The following EYS variants were observed in gnomAD, a reference collection of about 807,000 sequenced individuals.
EYS encodes the protein protein eyes shut homolog.
A neutral mutation model predicts 282.1 loss-of-function variants in EYS; 250 were observed. That is an observed-to-expected ratio of 0.89 (90% CI 0.80 to 0.98). The LOEUF (loss-of-function observed/expected upper bound fraction) is 0.98, where lower values mean the gene tolerates loss of function less well. Among genes scored for constraint, EYS ranks in the 50% least tolerant of loss-of-function variants. EYS has a pLI of 0.00. For missense variants in EYS, 4,016 were observed against 3,709.0 expected (o/e 1.08, Z -2.15); for synonymous variants, 1,355 against 1,282.9 (o/e 1.06, Z -1.20).
chr6:64,320,947 C>T (rs1770196456), intron 29 of EYS, among the ~76,000 whole-genome samples: 1 of 151,718 alleles, frequency 6.6e-6, no homozygotes, highest in African/African-American at 2.4e-5. Flanking sequence ...AAAAATTCCA[C>T]ATGGCTTATA....
At chr6:64,971,675 A>G (rs1375865551) in intron 14 of EYS, among the ~76,000 whole-genome samples, 1 of 152,138 alleles carries the variant, frequency 6.6e-6, no homozygotes, top group African/African-American at 2.4e-5. Flanking sequence ...GAAGGTGTCA[A>G]AGTGCTCTAT....
intron 5 of EYS, among the ~76,000 whole-genome samples, chr6:65,447,076 A>G (rs1768690190): frequency 1.3e-5 from 2 of 151,352 alleles, no homozygotes; most frequent in Admixed American, 1.3e-4. Context: ...TTTAAATTTT[A>G]TATATTTTGT....
At chr6:64,113,390 C>A (rs1182625552) in intron 31 of EYS, among the ~76,000 whole-genome samples, 1 of 152,064 alleles carries the variant, frequency 6.6e-6, no homozygotes, top group African/African-American at 2.4e-5. Context: ...CTTCAGTTCA[C>A]TTGTATGTAA....
chr6:64,350,754 G>A (rs545084314), intron 29 of EYS, among the ~76,000 whole-genome samples: 1 of 151,690 alleles, frequency 6.6e-6, no homozygotes, highest in East Asian at 2.0e-4. Flanking sequence ...GAAACCCAGT[G>A]ATATGATTTG....
intron 39 of EYS, among the ~76,000 whole-genome samples, chr6:63,784,658 A>G (rs1770320208): frequency 2.0e-5 from 3 of 152,080 alleles, no homozygotes; most frequent in African/African-American, 4.8e-5. Context: ...AGAACGCACT[A>G]TCACAAGAAC....
chr6:65,186,820 T>C lies in EYS; in HGVS notation c.2023+109043A>G, dbSNP rs76970568. ...TAAATGGAAGTATTAGTTGATACCA[T>C]GAGACTTTTAATTTTGACATACTAT... On this transcript the variant is annotated intron_variant, in intron 12 of 42. Transcript: ENST00000503581. Among the ~76,000 whole-genome samples, 975 of 151,866 alleles carry C rather than the reference T, an allele frequency of 6.4e-3. 12 individuals are homozygous for C. The highest frequency in any genetic ancestry group is 0.022 in the African/African-American group (917 of 41,522).
In EYS at chr6:64,474,043, A is replaced by G. The variant is rs191566089; in HGVS notation, c.5645-34691T>C. 1.3e-3 allele frequency among the ~76,000 whole-genome samples: 203 copies of G among 152,250 alleles called. 1 individual carries two copies. Among genetic ancestry groups the G allele is most frequent in the Non-Finnish European group, 1.2e-3 (79 of 68,000 alleles). ...TATATCCCCATTTTTGTCCATTTTTAGTTCCCCAACCTAAAAGGCCCTCTT... is the reference window on the plus strand; with the variant it reads ...TATATCCCCATTTTTGTCCATTTTTGGTTCCCCAACCTAAAAGGCCCTCTT... On this transcript the variant is annotated intron_variant, in intron 26 of 42. Transcript: ENST00000503581.
chr6:64,184,905 T>G (rs1332698470), intron 31 of EYS, among the ~76,000 whole-genome samples: 3 of 151,086 alleles, frequency 2.0e-5, no homozygotes, highest in Admixed American at 2.0e-4. Context: ...ATGTTTTTTT[T>G]CTCCCAAATC....
intron 31 of EYS, among the ~76,000 whole-genome samples, chr6:64,124,015 A>G (rs1394194412): frequency 6.6e-6 from 1 of 152,176 alleles, no homozygotes; most frequent in African/African-American, 2.4e-5. Context: ...AAGCATCCAA[A>G]CCAGGATTTT....
At position 64,249,238 on chromosome 6, in the gene EYS, A is replaced by T. The variant is rs938882335; in HGVS notation, c.6192-18414T>A. Among the ~76,000 whole-genome samples the T allele has an allele frequency of 7.2e-5, 11 of 152,250 alleles. No homozygotes were observed. In the East Asian group the frequency reaches 1.9e-3, roughly 27 times the overall value. ...AATCATGTCTTTTGCAGCAACATGAAAGGAACTGGAAGCCGTTATCTTATT... is the reference window on the plus strand; with the variant it reads ...AATCATGTCTTTTGCAGCAACATGATAGGAACTGGAAGCCGTTATCTTATT... On this transcript the variant is annotated intron_variant, in intron 30 of 42. Coordinates refer to ENST00000503581, the MANE Select transcript of EYS (RefSeq NM_001142800.2).
At chr6:63,954,352 C>A (rs528566886) in intron 35 of EYS, among the ~76,000 whole-genome samples, 15 of 152,210 alleles carry the variant, frequency 9.9e-5, no homozygotes, top group Non-Finnish European at 1.6e-4. Context: ...TACCTCTCAG[C>A]AAGCTGAACT....
intron 35 of EYS, among the ~76,000 whole-genome samples, chr6:63,867,346 T>C (rs533428111): frequency 6.6e-6 from 1 of 152,218 alleles, no homozygotes; most frequent in Non-Finnish European, 1.5e-5. Flanking sequence ...AATTTTATCC[T>C]TCACAAGACC....
At chr6:64,808,835 A>T (rs1764512201) in intron 22 of EYS, among the ~76,000 whole-genome samples, 1 of 152,104 alleles carries the variant, frequency 6.6e-6, no homozygotes, top group Non-Finnish European at 1.5e-5. Flanking sequence ...AAATAATAAA[A>T]TGTTTTCATG....
At chr6:65,276,513 G>T (rs1768052485) in intron 12 of EYS, among the ~76,000 whole-genome samples, 2 of 152,002 alleles carry the variant, frequency 1.3e-5, no homozygotes, top group African/African-American at 2.4e-5. Context: ...TTACTACACT[G>T]CCTGTAGTTA....
Position 64,098,603 on chromosome 6 carries a change from CT to C in EYS, c.6425-16602del, listed in dbSNP as rs544031589. 7.4e-3 allele frequency among the ~76,000 whole-genome samples: 1,029 copies of C among 139,898 alleles called. 5 individuals carry two copies. The highest frequency in any genetic ancestry group is 0.018 in the African/African-American group (703 of 38,128). The allele number at this position is 139,898 out of a possible 152,430, so 91.8% of individuals were successfully genotyped here. A position where few individuals can be genotyped will look rare whatever the true frequency, so the allele number is the denominator to read the frequency against. ...TGTGTTAGTAATGTTTTCTTTCTTTCTTTTTTTTTTTTTTTGAGACGGAGTC... is the reference window on the plus strand; with the variant it reads ...TGTGTTAGTAATGTTTTCTTTCTTTCTTTTTTTTTTTTTTGAGACGGAGTC... On this transcript the variant is annotated intron_variant, in intron 31 of 42. Transcript: ENST00000503581.
chr6:64,423,384 A>G (rs1019955978), intron 28 of EYS, among the ~76,000 whole-genome samples: 1 of 152,226 alleles, frequency 6.6e-6, no homozygotes, highest in African/African-American at 2.4e-5. Context: ...CCAGCTAAAC[A>G]TTTTAACTAT....
At chr6:64,938,556 T>C (rs1362867208) in intron 15 of EYS, among the ~76,000 whole-genome samples, 2 of 151,692 alleles carry the variant, frequency 1.3e-5, no homozygotes, top group Non-Finnish European at 3.0e-5. Context: ...ATAAAAGCAA[T>C]TTACATTAAG....
At chr6:64,452,661 A>G (rs1582772650) in intron 26 of EYS, among the ~76,000 whole-genome samples, 1 of 152,294 alleles carries the variant, frequency 6.6e-6, no homozygotes, top group East Asian at 1.9e-4. Context: ...CAAAACAGAG[A>G]TACAGACCAA....
chr6:64,772,365 G>A (rs1229372974), intron 22 of EYS, among the ~76,000 whole-genome samples: 1 of 151,502 alleles, frequency 6.6e-6, no homozygotes, highest in Non-Finnish European at 1.5e-5. Context: ...CTTTTCTTTT[G>A]AATTTTTGTA....
Sources: allele counts gnomAD v4.1 joint callset (sites outside exome capture counted in the v4.1 genomes callset), GRCh38; gene constraint gnomAD v4.1.1; transcripts MANE v1.5; gene names NCBI Gene and HGNC (gene_info 2026-07-23, HGNC 2026-07-21).